The following DLG2 variants were observed in gnomAD, a reference collection of about 807,000 sequenced individuals.
DLG2 encodes the protein discs large MAGUK scaffold protein 2.
Under a neutral mutation model 132.5 loss-of-function variants are expected in DLG2, and 45 were observed. The ratio of observed to expected loss-of-function variants is 0.34; its 90% CI spans 0.27 to 0.44. The LOEUF is 0.44. DLG2 is among the 20% of genes least tolerant of loss of function. DLG2 has a pLI of 1.00. For synonymous variants in DLG2, 424 were observed against 419.6 expected (o/e 1.01, Z -0.13); for missense variants, 1,045 against 1,196.9 (o/e 0.87, Z 1.87).
chr11:85,552,499 A>G (rs2076721994), intron 3 of DLG2, among the ~76,000 whole-genome samples: 1 of 151,722 alleles, frequency 6.6e-6, no homozygotes, highest in Admixed American at 6.6e-5. Flanking sequence ...GTTTAGAAAA[A>G]TAAAACAATC....
At chr11:85,600,138 C>T (rs1244926172) in intron 2 of DLG2, among the ~76,000 whole-genome samples, 1 of 152,154 alleles carries the variant, frequency 6.6e-6, no homozygotes, top group African/African-American at 2.4e-5. Flanking sequence ...TACTGACTTA[C>T]CTGTAACTGC....
At chr11:85,464,135 CTTAAG>C (rs550556190) in intron 3 of DLG2, among the ~76,000 whole-genome samples, 205 of 152,076 alleles carry the variant, frequency 1.3e-3, no homozygotes, top group African/African-American at 4.4e-3. Flanking sequence ...CTATCTGAAA[CTTAAG>C]TTTAGTTTCC....
intron 7 of DLG2, among the ~76,000 whole-genome samples, chr11:84,353,177 C>T (rs1567376287): frequency 1.3e-5 from 2 of 152,140 alleles, no homozygotes; most frequent in South Asian, 2.1e-4. Context: ...CAACTTACTG[C>T]CAACTGTTTT....
intron 3 of DLG2, among the ~76,000 whole-genome samples, chr11:85,295,020 C>G (rs1227674970): frequency 6.6e-6 from 1 of 152,080 alleles, no homozygotes; most frequent in African/African-American, 2.4e-5. Context: ...AAAGCAGGCA[C>G]TAAATAAACT....
At chr11:84,115,717 C>T (rs1370524796) in intron 9 of DLG2, among the ~76,000 whole-genome samples, 1 of 152,218 alleles carries the variant, frequency 6.6e-6, no homozygotes, top group Admixed American at 6.5e-5. Flanking sequence ...AAGGAGCCTG[C>T]CCTGATAGCA....
At chr11:84,540,655 T>C (rs1196308723) in intron 6 of DLG2, among the ~76,000 whole-genome samples, 1 of 152,108 alleles carries the variant, frequency 6.6e-6, no homozygotes, top group African/African-American at 2.4e-5. Flanking sequence ...GATCTAGAAC[T>C]AGAAATACCA....
intron 6 of DLG2, among the ~76,000 whole-genome samples, chr11:84,584,849 C>T (rs550023836): frequency 5.2e-4 from 79 of 151,522 alleles, no homozygotes; most frequent in African/African-American, 1.8e-3. Context: ...CCACTACACC[C>T]GGCTAATTTT....
At chr11:83,736,016 C>A (rs763275008) in intron 18 of DLG2, among the ~76,000 whole-genome samples, 10 of 152,132 alleles carry the variant, frequency 6.6e-5, no homozygotes, top group Admixed American at 5.9e-4. Context: ...GCTTTAGTTG[C>A]GATTAGATTG....
intron 3 of DLG2, among the ~76,000 whole-genome samples, chr11:85,372,344 C>T (rs1453902802): frequency 6.6e-6 from 1 of 152,210 alleles, no homozygotes; most frequent in Non-Finnish European, 1.5e-5. Context: ...GGGTGTGTAA[C>T]AAGACATCCT....
intron 6 of DLG2, among the ~76,000 whole-genome samples, chr11:84,725,097 A>C (rs1329607100): frequency 6.6e-6 from 1 of 152,158 alleles, no homozygotes; most frequent in Non-Finnish European, 1.5e-5. Context: ...GATAACAGTA[A>C]TATAAGAGAC....
intron 7 of DLG2, among the ~76,000 whole-genome samples, chr11:84,476,716 G>A (rs2099122607): frequency 6.6e-6 from 1 of 152,164 alleles, no homozygotes; most frequent in Non-Finnish European, 1.5e-5. Flanking sequence ...AGAAGTCCAG[G>A]CCACATGGAG....
intron 9 of DLG2, among the ~76,000 whole-genome samples, chr11:84,104,615 C>T (rs561417295): frequency 2.9e-4 from 44 of 151,764 alleles, no homozygotes; most frequent in Middle Eastern, 6.8e-3. Context: ...TTAATAAAAA[C>T]GGAAAATGTT....
chr11:85,300,677 T>C (rs1415360653), intron 3 of DLG2, among the ~76,000 whole-genome samples: 2 of 152,166 alleles, frequency 1.3e-5, no homozygotes, highest in Middle Eastern at 3.2e-3. Flanking sequence ...TTAATCAAGT[T>C]ACTACTATAG....
intron 21 of DLG2, among the ~76,000 whole-genome samples, chr11:83,493,669 C>T (rs1329400056): frequency 2.6e-5 from 4 of 152,106 alleles, no homozygotes; most frequent in African/African-American, 9.7e-5. Context: ...AAACTGTAGA[C>T]TGGCTCCTTA....
chr11:83,460,235 A>C (rs941522584), intron 27 of DLG2, among the ~76,000 whole-genome samples: 1 of 152,110 alleles, frequency 6.6e-6, no homozygotes, highest in African/African-American at 2.4e-5. Context: ...ATGGGTGCCT[A>C]CTCTGAGCCA....
At chr11:85,350,622 C>T (rs960710953) in intron 3 of DLG2, among the ~76,000 whole-genome samples, 5 of 152,296 alleles carry the variant, frequency 3.3e-5, no homozygotes, top group South Asian at 2.1e-4. Context: ...CAGCTTTCTA[C>T]GTATGGCTAG....
rs147059763 is a variant in DLG2, at chr11:84,883,452, G to A, written c.357+228209C>T. ...TAACAAACCAGCACGTTCTGCACAT[G>A]TATCCCACAAAAGTAAAAAATAAAA... On this transcript the variant is annotated intron_variant, in intron 6 of 27. Transcript: ENST00000376104. Among the ~76,000 whole-genome samples, 194 of 151,392 alleles carry A rather than the reference G, an allele frequency of 1.3e-3. 1 individual carries two copies. The highest frequency in any genetic ancestry group is 4.6e-3 in the African/African-American group (188 of 40,910).
chr11:85,285,453 G>A (rs1353036761), intron 3 of DLG2, 88 bp from the exon 4 acceptor site: 3 of 1,262,748 alleles, frequency 2.4e-6, no homozygotes, highest in Non-Finnish European at 3.2e-6. Context: ...TAGACATACA[G>A]AAATTTTGCT....
chr11:85,074,977 T>A (rs2066335511), intron 6 of DLG2, among the ~76,000 whole-genome samples: 1 of 151,886 alleles, frequency 6.6e-6, no homozygotes, highest in Admixed American at 6.6e-5. Context: ...CTTTCCATTG[T>A]TTACTAAATT....
Sources: allele counts gnomAD v4.1 joint callset (sites outside exome capture counted in the v4.1 genomes callset), GRCh38; gene constraint gnomAD v4.1.1; transcripts MANE v1.5; gene names NCBI Gene and HGNC (gene_info 2026-07-23, HGNC 2026-07-21).